Variants in EPHA5 observed in about 807,000 individuals in gnomAD.
EPHA5 encodes EPH receptor A5.
Under a neutral mutation model 105.0 loss-of-function variants are expected in EPHA5, and 60 were observed. That is an observed-to-expected ratio of 0.57 (90% CI 0.46 to 0.71). EPHA5 has a LOEUF of 0.71. Among genes scored for constraint, EPHA5 ranks in the 30% least tolerant of loss-of-function variants. The pLI, the probability that EPHA5 is intolerant of heterozygous loss-of-function variation, is 0.00. For synonymous variants in EPHA5, 513 were observed against 449.1 expected (o/e 1.14, Z -1.80); for missense variants, 1,218 against 1,274.7 (o/e 0.96, Z 0.68).
At chr4:65,349,414 C>A (rs1040256925) in intron 13 of EPHA5, among the ~76,000 whole-genome samples, 6 of 151,968 alleles carry the variant, frequency 3.9e-5, no homozygotes, top group Non-Finnish European at 8.8e-5. Context: ...AATTATTATT[C>A]TCTTAGCTTC....
intron 2 of EPHA5, among the ~76,000 whole-genome samples, chr4:65,609,660 A>G (rs1237274011): frequency 6.7e-6 from 1 of 150,368 alleles, no homozygotes; most frequent in Admixed American, 6.6e-5. Flanking sequence ...TTTTCATTCA[A>G]TGTTGTCATT....
chr4:65,455,558 C>T (rs1727498311), intron 5 of EPHA5, among the ~76,000 whole-genome samples: 1 of 151,652 alleles, frequency 6.6e-6, no homozygotes, highest in African/African-American at 2.4e-5. Context: ...TGTGAGGAAG[C>T]AATATCAATG....
intron 3 of EPHA5, among the ~76,000 whole-genome samples, chr4:65,508,226 G>C (rs1578285865): frequency 6.6e-6 from 1 of 152,170 alleles, no homozygotes; most frequent in Admixed American, 6.6e-5. Context: ...CTGTGTATTT[G>C]ATTTGAAGTA....
Position 65,467,712 on chromosome 4 carries a change from T to A in EPHA5, c.1402+22665A>T, listed in dbSNP as rs193196498. Among the ~76,000 whole-genome samples, 3 of 152,270 alleles carry A rather than the reference T, an allele frequency of 2.0e-5. No homozygotes were observed. The East Asian group carries it at 5.8e-4, about 29-fold the overall frequency. On this transcript the variant is annotated intron_variant, in intron 5 of 16. Coordinates refer to ENST00000613740, the MANE Select transcript of EPHA5 (RefSeq NM_001281766.3). ...CGTCTGTTTACTAATTCACAGAACA[T>A]CTGGATATGTAACATTACATGACAA...
At chr4:65,603,848 T>G (rs1743971724) in intron 2 of EPHA5, among the ~76,000 whole-genome samples, 1 of 152,106 alleles carries the variant, frequency 6.6e-6, no homozygotes, top group South Asian at 2.1e-4. Flanking sequence ...CAGATATCTA[T>G]TGCAGCACTC....
chr4:65,669,826 G>A lies in EPHA5; in HGVS notation c.-84C>T, dbSNP rs1366866918. On this transcript the variant is annotated 5_prime_UTR_variant, in exon 1 of 17. Transcript: ENST00000613740. ...TCGCAGAGCGGCGAAGGGAGACTCG[G>A]GAGTCCTCCTTGTCCCCCCTTGGGG... The A allele has an allele frequency of 1.6e-6, 2 of 1,233,220 alleles. No individual in the cohort carries two copies. Among genetic ancestry groups the A allele is most frequent in the East Asian group, 6.3e-5 (2 of 31,700 alleles). The allele number at this position is 1,233,220 out of a possible 1,614,324, so 76.4% of individuals were successfully genotyped here. A position where few individuals can be genotyped will look rare whatever the true frequency, so the allele number is the denominator to read the frequency against.
intron 3 of EPHA5, among the ~76,000 whole-genome samples, chr4:65,575,283 G>A (rs1368878925): frequency 6.6e-6 from 1 of 152,124 alleles, no homozygotes; most frequent in Non-Finnish European, 1.5e-5. Flanking sequence ...ACCCAAATCA[G>A]TGGGCTCCCA....
chr4:65,504,530 A>C (rs1485951990), intron 3 of EPHA5, among the ~76,000 whole-genome samples: 1 of 151,918 alleles, frequency 6.6e-6, no homozygotes, highest in Non-Finnish European at 1.5e-5. Flanking sequence ...AACTAATTTC[A>C]GTTTTACAAG....
chr4:65,402,414 A>T (rs1486171773), intron 8 of EPHA5, among the ~76,000 whole-genome samples: 1 of 152,168 alleles, frequency 6.6e-6, no homozygotes, highest in South Asian at 2.1e-4. Context: ...TCTTTCAAAC[A>T]TTTTATCTAA....
chr4:65,494,040 T>A (rs1367433932), intron 4 of EPHA5, among the ~76,000 whole-genome samples: 1 of 152,166 alleles, frequency 6.6e-6, no homozygotes, highest in Non-Finnish European at 1.5e-5. Context: ...TCACATCCAA[T>A]CATAGTTTAT....
intron 6 of EPHA5, among the ~76,000 whole-genome samples, chr4:65,418,499 A>G (rs1347058577): frequency 6.6e-6 from 1 of 152,148 alleles, no homozygotes; most frequent in Admixed American, 6.6e-5. Flanking sequence ...TCTCAGAGGT[A>G]TTCTCTAAGA....
At chr4:65,509,247 A>G (rs1733364817) in intron 3 of EPHA5, among the ~76,000 whole-genome samples, 1 of 152,196 alleles carries the variant, frequency 6.6e-6, no homozygotes, top group Admixed American at 6.6e-5. Flanking sequence ...TTAACAACAT[A>G]TCTTATTTCT....
chr4:65,594,806 T>A lies in EPHA5; in HGVS notation c.910+6835A>T, dbSNP rs151003428. ...GGGTGTAATAATTTACAAATAATCA[T>A]CCACCAACACCACTTATAAATAAAC... On this transcript the variant is annotated intron_variant, in intron 3 of 16. Coordinates refer to ENST00000613740, the MANE Select transcript of EPHA5 (RefSeq NM_001281766.3). 1.3e-3 allele frequency among the ~76,000 whole-genome samples: 198 copies of A among 152,246 alleles called. 2 individuals carry two copies. Among genetic ancestry groups the A allele is most frequent in the African/African-American group, 4.4e-3 (184 of 41,560 alleles).
intron 3 of EPHA5, among the ~76,000 whole-genome samples, chr4:65,522,176 G>A (rs1734796941): frequency 6.6e-6 from 1 of 151,866 alleles, no homozygotes; most frequent in African/African-American, 2.4e-5. Context: ...TATCTTTCAA[G>A]GAGGCTTTGG....
intron 3 of EPHA5, among the ~76,000 whole-genome samples, chr4:65,524,926 A>C (rs1204245556): frequency 6.6e-6 from 1 of 151,762 alleles, no homozygotes; most frequent in Non-Finnish European, 1.5e-5. Flanking sequence ...TCATCCTTCA[A>C]AGAAAGATCT....
At chr4:65,536,804 T>G (rs1560664641) in intron 3 of EPHA5, among the ~76,000 whole-genome samples, 1 of 151,550 alleles carries the variant, frequency 6.6e-6, no homozygotes, top group East Asian at 1.9e-4. Flanking sequence ...AATAAAATTA[T>G]AAAAATCTTT....
intron 14 of EPHA5, among the ~76,000 whole-genome samples, chr4:65,338,572 T>G (rs927821768): frequency 6.6e-6 from 1 of 152,110 alleles, no homozygotes; most frequent in Non-Finnish European, 1.5e-5. Flanking sequence ...TTTCTAGAAT[T>G]TATTTCTTAT....
chr4:65,653,943 G>C (rs1748835735), intron 1 of EPHA5, among the ~76,000 whole-genome samples: 1 of 151,886 alleles, frequency 6.6e-6, no homozygotes, highest in South Asian at 2.1e-4. Context: ...TGTTATCTTA[G>C]GCTCCCTTGA....
At chr4:65,487,455 G>T (rs1392990056) in intron 5 of EPHA5, among the ~76,000 whole-genome samples, 1 of 152,078 alleles carries the variant, frequency 6.6e-6, no homozygotes, top group Non-Finnish European at 1.5e-5. Flanking sequence ...ATGGCTCAGG[G>T]GTCATGCAGC....
Sources: gnomAD v4.1 joint callset for allele counts (sites outside exome capture counted in the v4.1 genomes callset) on GRCh38, gnomAD v4.1.1 for gene constraint, MANE v1.5 for transcripts, NCBI Gene and HGNC (gene_info 2026-07-23, HGNC 2026-07-21) for gene names.